The following MYH9 variants were observed in gnomAD, a reference collection of about 807,000 sequenced individuals.
The protein encoded by MYH9 is myosin heavy chain 9.
Under a neutral mutation model 241.9 loss-of-function variants are expected in MYH9, and 29 were observed. The observed-to-expected ratio is 0.12, with a 90% CI of 0.09 to 0.16. MYH9 has a LOEUF of 0.16. MYH9 is among the 10% of genes least tolerant of loss of function. The probability of loss-of-function intolerance (pLI) is 1.00; values close to 1 mark genes in which losing one functional copy is unlikely to be tolerated. For missense variants in MYH9, 1,803 were observed against 2,595.5 expected, an observed-to-expected ratio of 0.69 and a Z score of 6.63; for synonymous variants, 1,047 against 1,062.6, an observed-to-expected ratio of 0.99 and a Z score of 0.29.
At position 36,297,139 on chromosome 22, in the gene MYH9, AC is replaced by A. The variant is rs1036462900; in HGVS notation, c.3101-126del. On this transcript the variant is annotated intron_variant, in intron 24 of 40. Transcript: ENST00000216181. The stretch of plus-strand genomic sequence containing the variant: ...GTCAGGCTTAAAGCATCACAAACAC[AC>A]AGACACTCGCACCCAACTCCTGGAT... The A allele has an allele frequency of 4.5e-6, 5 of 1,117,014 alleles. No individual in the cohort carries two copies. In the Admixed American group the frequency reaches 1.0e-4, roughly 23 times the overall value. 69.2% of individuals were successfully genotyped at this position (1,117,014 alleles called of 1,614,324 possible).
rs1470760948 is a variant in MYH9, at chr22:36,327,653, C to T, written c.491-165G>A. ...CACACCTGGCTAGGAGGAGCATCTT[C>T]GGGGGAGAGTGCCATTGGGCAGCTG... On this transcript the variant is annotated intron_variant, in intron 3 of 40. Coordinates refer to ENST00000216181, the MANE Select transcript of MYH9 (RefSeq NM_002473.6). 3.9e-5 allele frequency among the ~76,000 whole-genome samples: 6 copies of T among 152,226 alleles called. No individual in the cohort carries two copies. In the Middle Eastern group the frequency reaches 0.014, roughly 345 times the overall value.
chr22:36,354,388 G>GT (rs929388517), intron 1 of MYH9, among the ~76,000 whole-genome samples: 1 of 150,596 alleles, frequency 6.6e-6, no homozygotes, highest in African/African-American at 2.5e-5. Flanking sequence ...ATTCTCAAGT[G>GT]TTTTTTTCTT....
intron 1 of MYH9, among the ~76,000 whole-genome samples, chr22:36,374,480 A>C (rs1271053889): frequency 6.6e-6 from 1 of 152,250 alleles, no homozygotes; most frequent in Non-Finnish European, 1.5e-5. Context: ...AGATTGTGAC[A>C]GTACACTCCA....
At chr22:36,322,588 G>A (rs2146365477) in intron 5 of MYH9, 67 bp from the exon 6 acceptor site, 1 of 1,488,616 alleles carries the variant, frequency 6.7e-7, no homozygotes. Context: ...TGCCCTGCCT[G>A]GAAGGGGGAC....
rs749952529 is a variant in MYH9 at position 36,295,702 on chromosome 22, A to G, written c.3288T>C (p.Ala1096=). 3 of 1,613,182 alleles carry G rather than the reference A, an allele frequency of 1.9e-6. No homozygotes were observed. Among genetic ancestry groups the G allele is most frequent in the African/African-American group, 2.7e-5 (2 of 74,894 alleles). ...QAALARVEEE[A]AQKNMALKKI... ...TCTTGAGGGCCATGTTCTTCTGGGC[A>G]GCTTCCTCTTCCACTCTGCCAAAGC... Residue 1096 remains alanine (A), a synonymous_variant, in exon 26 of 41, where the codon GCT becomes GCC. Coordinates refer to ENST00000216181, the MANE Select transcript of MYH9 (RefSeq NM_002473.6). This position sits in a 1 kb window ranked among gnomAD's most constrained non-coding sequence, Gnocchi z 4.1.
chr22:36,348,072 ATTTAAAATATTTTATTTTAAGATATTT>A (rs1182608875), intron 2 of MYH9, among the ~76,000 whole-genome samples: 1 of 123,812 alleles, frequency 8.1e-6, no homozygotes, highest in African/African-American at 3.2e-5. Context: ...TAAATAAAAT[ATTTAAAATATTTTATTTTAAGATATTT>A]TTTAAAATAT....
intron 1 of MYH9, among the ~76,000 whole-genome samples, chr22:36,350,996 C>G (rs776060080): frequency 1.3e-5 from 2 of 152,204 alleles, no homozygotes; most frequent in Non-Finnish European, 2.9e-5. Context: ...CACGGAACAC[C>G]ATGGGCTTTT....
intron 1 of MYH9, among the ~76,000 whole-genome samples, chr22:36,370,295 T>C (rs2018070092): frequency 2.0e-5 from 3 of 152,128 alleles, no homozygotes; most frequent in African/African-American, 7.2e-5. Flanking sequence ...CTGGTGAGGC[T>C]CAGAAGCCAA....
At chr22:36,332,209 C>T (rs772298231) in intron 3 of MYH9, among the ~76,000 whole-genome samples, 2 of 152,236 alleles carry the variant, frequency 1.3e-5, no homozygotes, top group African/African-American at 4.8e-5. Context: ...ACTCTCATGA[C>T]GAGAAGCTCT....
chr22:36,343,372 CA>C (rs1187097023), intron 2 of MYH9, among the ~76,000 whole-genome samples: 1 of 151,646 alleles, frequency 6.6e-6, no homozygotes, highest in Non-Finnish European at 1.5e-5. Context: ...TCCATCACTA[CA>C]AAAAATTAAA....
intron 6 of MYH9, 41 bp downstream of exon 6, chr22:36,322,388 G>A (rs368564660): frequency 3.1e-6 from 5 of 1,599,182 alleles, no homozygotes; most frequent in Non-Finnish European, 4.3e-6. Context: ...TCCGGGCAAG[G>A]CCCTCTGTCC....
intron 1 of MYH9, among the ~76,000 whole-genome samples, chr22:36,356,181 C>T (rs551042408): frequency 6.6e-6 from 1 of 152,284 alleles, no homozygotes; most frequent in Admixed American, 6.5e-5. Flanking sequence ...TCCATCCCCA[C>T]CCCCATCCTG....
intron 11 of MYH9, among the ~76,000 whole-genome samples, chr22:36,317,396 G>GA (rs2017174571): frequency 6.6e-6 from 1 of 151,934 alleles, no homozygotes; most frequent in South Asian, 2.1e-4. Flanking sequence ...TCTGTATTAA[G>GA]AGTCATGTAG....
intron 3 of MYH9, among the ~76,000 whole-genome samples, chr22:36,334,139 T>C (rs938290558): frequency 7.3e-5 from 11 of 151,042 alleles, no homozygotes; most frequent in Admixed American, 6.6e-4. Flanking sequence ...AAAGGGCCCG[T>C]TAACTGCAGA....
chr22:36,331,431 G>C (rs746893948), intron 3 of MYH9, among the ~76,000 whole-genome samples: 1 of 152,210 alleles, frequency 6.6e-6, no homozygotes, highest in African/African-American at 2.4e-5. Context: ...CATGCAGTGA[G>C]GGCATCTGAG....
intron 1 of MYH9, 66 bp from the exon 2 acceptor site, chr22:36,349,321 C>T (rs2017731184): frequency 3.4e-6 from 4 of 1,182,604 alleles, no homozygotes; most frequent in South Asian, 2.5e-5. Flanking sequence ...ATCACTCATG[C>T]TCACACCTCT....
Position 36,300,237 on chromosome 22 carries a change from C to T in MYH9, c.2866G>A (p.Glu956Lys). The change falls in exon 23 of 41, where the codon GAG becomes AAG. Residue 956 changes from glutamate to lysine, a missense_variant. Around this residue, in one of 11 missense-constraint regions of MYH9, gnomAD observed 290 missense variants for 360.5 expected, o/e 0.80. Transcript: ENST00000216181. The surrounding 1 kb of genome is among the most constrained non-coding windows in gnomAD (Gnocchi z 5.0). Reference protein sequence around the residue: ...QELEEQLEEEESARQKLQLEK... With the variant: ...QELEEQLEEEKSARQKLQLEK... Reference sequence around the variant, plus strand: ...AGCTGCAGCTTCTGCCGGGCGCTCTCCTCCTCCTCCAGCTGCTCCTCAAGC... The same window carrying T: ...AGCTGCAGCTTCTGCCGGGCGCTCTTCTCCTCCTCCAGCTGCTCCTCAAGC... The T allele has an allele frequency of 6.2e-7, 1 of 1,613,006 alleles. No individual in the cohort carries two copies. Among genetic ancestry groups the T allele is most frequent in the Non-Finnish European group, 8.5e-7 (1 of 1,179,940 alleles).
intron 1 of MYH9, among the ~76,000 whole-genome samples, chr22:36,368,188 C>T (rs2146413481): frequency 6.6e-6 from 1 of 152,316 alleles, no homozygotes; most frequent in Admixed American, 6.5e-5. Flanking sequence ...GCCCACCTCC[C>T]AGGACCCTGT....
At chr22:36,334,881 G>A (rs998711905) in intron 3 of MYH9, among the ~76,000 whole-genome samples, 2 of 152,188 alleles carry the variant, frequency 1.3e-5, no homozygotes, top group African/African-American at 4.8e-5. Flanking sequence ...ACTTGCTCCA[G>A]CCAGGTTGCA....
Sources: allele counts gnomAD v4.1 joint callset (sites outside exome capture counted in the v4.1 genomes callset), GRCh38; gene constraint gnomAD v4.1.1; regional missense constraint gnomAD v4.1.1; non-coding constraint Gnocchi (gnomAD v3.1); transcripts MANE v1.5; gene names NCBI Gene and HGNC (gene_info 2026-07-23, HGNC 2026-07-21).